KCNS1: variants seen among roughly 807,000 people sequenced by gnomAD.
KCNS1 encodes the protein delayed-rectifier potassium channel regulatory subunit KCNS1.
A neutral mutation model predicts 33.1 loss-of-function variants in KCNS1; 26 were observed. The observed-to-expected ratio is 0.79, with a 90% CI of 0.58 to 1.09. The LOEUF (loss-of-function observed/expected upper bound fraction) is 1.09. Among genes scored for constraint, KCNS1 ranks in the 50% least tolerant of loss-of-function variants. The pLI is 0.00. For missense variants in KCNS1, 702 were observed against 752.4 expected (o/e 0.93, Z 0.78); for synonymous variants, 299 against 338.8 (o/e 0.88, Z 1.29).
Position 45,098,691 on chromosome 20 carries a change from C to A in KCNS1, c.81G>T (p.Arg27Ser). ...KVVLPTPLGG[R>S]STETFVSEFP... Reference sequence around the variant, plus strand: ...ACTCGCTCACAAAGGTTTCAGTGCTCCTCCCTGCGGACACCAGAAGGGCGC... The same window carrying A: ...ACTCGCTCACAAAGGTTTCAGTGCTACTCCCTGCGGACACCAGAAGGGCGC... The change falls in exon 3 of 4, where the codon AGG (arginine) becomes AGT (serine). Residue 27 changes from arginine to serine, a missense_variant. Coordinates refer to ENST00000537075, the MANE Select transcript of KCNS1 (RefSeq NM_001322799.2). The surrounding 1 kb of genome is among the most constrained non-coding windows in gnomAD (Gnocchi z 5.2). 1.4e-6 allele frequency: 2 copies of A among 1,423,014 alleles called. No individual in the cohort carries two copies. Among genetic ancestry groups the A allele is most frequent in the Non-Finnish European group, 1.8e-6 (2 of 1,091,544 alleles). The allele number at this position is 1,423,014 out of a possible 1,614,324, so 88.1% of individuals were successfully genotyped here. A position where few individuals can be genotyped will look rare whatever the true frequency, so the allele number is the denominator to read the frequency against.
chr20:45,098,043 G>C lies in KCNS1; in HGVS notation c.729C>G (p.Pro243=). ...SIAAMCIHSL[P]EYQAREAAAA... is the part of the protein sequence containing the mutation. Reference sequence around the variant, plus strand: ...CCGCCGCCTCGCGGGCCTGGTACTCGGGCAGGCTGTGGATGCACATGGCGG... The same window carrying C: ...CCGCCGCCTCGCGGGCCTGGTACTCCGGCAGGCTGTGGATGCACATGGCGG... Residue 243 remains proline (P), a synonymous_variant, in exon 3 of 4, where the codon CCC becomes CCG. Coordinates refer to ENST00000537075, the MANE Select transcript of KCNS1 (RefSeq NM_001322799.2). This position sits in a 1 kb window ranked among gnomAD's most constrained non-coding sequence, Gnocchi z 5.2. 1 of 1,531,956 alleles carries C rather than the reference G, an allele frequency of 6.5e-7. No homozygotes were observed. Among genetic ancestry groups the C allele is most frequent in the South Asian group, 1.2e-5 (1 of 82,270 alleles). 94.9% of individuals were successfully genotyped at this position (1,531,956 alleles called of 1,614,324 possible).
rs577538394 is a variant in KCNS1 at position 45,094,969 on chromosome 20, C to T, written c.1482G>A (p.Glu494=). Residue 494 remains glutamate (E), a synonymous_variant, in exon 4 of 4, where the codon GAG becomes GAA. Coordinates refer to ENST00000537075, the MANE Select transcript of KCNS1 (RefSeq NM_001322799.2). ...TTTCTCGGGATGTCTCCAGAGATGC[C>T]TCCGACACCCCATCAATGCTGCTCA... The part of the protein sequence containing the change: ...DLLSSIDGVS[E]ASLETSRETS... 1.1e-4 allele frequency: 177 copies of T among 1,613,894 alleles called. No homozygotes were observed. In the South Asian group the frequency reaches 1.7e-3, roughly 16 times the overall value.
chr20:45,092,134 A>G lies in KCNS1; in HGVS notation c.*2736T>C, dbSNP rs545882408. ...ACCCTTTTTGACCAAGTTTGTTCCA[A>G]CTGAATTCCTGTCACTTGCAACCTG... On this transcript the variant is annotated 3_prime_UTR_variant, in exon 4 of 4. Transcript: ENST00000537075. Among the ~76,000 whole-genome samples, 8 of 152,230 alleles carry G rather than the reference A, an allele frequency of 5.3e-5. No individual in the cohort carries two copies. Among genetic ancestry groups the G allele is most frequent in the South Asian group, 2.1e-4 (1 of 4,826 alleles).
At chr20:45,096,094 C>G (rs949012225) in intron 3 of KCNS1, among the ~76,000 whole-genome samples, 2 of 152,224 alleles carry the variant, frequency 1.3e-5, no homozygotes, top group Non-Finnish European at 2.9e-5. Flanking sequence ...AACCCCTAGT[C>G]TAAAGCAGAG....
At position 45,091,739 on chromosome 20, in the gene KCNS1, CTT is replaced by C. The variant is rs1468355223; in HGVS notation, c.*3129_*3130del. On this transcript the variant is annotated 3_prime_UTR_variant, in exon 4 of 4. Coordinates refer to ENST00000537075, the MANE Select transcript of KCNS1 (RefSeq NM_001322799.2). Reference sequence around the variant, plus strand: ...CTTGTAAGACAGAGGCACTGGAAGACTTGACATACACAGACACTGAAGTGAGA... The same window carrying C: ...CTTGTAAGACAGAGGCACTGGAAGACGACATACACAGACACTGAAGTGAGA... Among the ~76,000 whole-genome samples the C allele has an allele frequency of 6.6e-6, 1 of 152,208 alleles. No individual in the cohort carries two copies. The highest frequency in any genetic ancestry group is 1.5e-5 in the Non-Finnish European group (1 of 68,040).
intron 3 of KCNS1, among the ~76,000 whole-genome samples, chr20:45,097,022 A>G (rs1199076084): frequency 1.3e-5 from 2 of 152,210 alleles, no homozygotes; most frequent in Non-Finnish European, 2.9e-5. Flanking sequence ...TTCACCCACA[A>G]TGCAGCACCT....
At position 45,098,070 on chromosome 20, in the gene KCNS1, G is replaced by T. The variant is rs1981255113; in HGVS notation, c.702C>A (p.Ile234=). The T allele has an allele frequency of 1.3e-6, 2 of 1,553,786 alleles. No individual in the cohort carries two copies. ...GCAGGCTGTGGATGCACATGGCGGC[G>T]ATGGAGGCGAGCACCACGCTGATGG... ...CVSISVVLAS[I]AAMCIHSLPE... is the part of the protein sequence containing the mutation. Residue 234 remains isoleucine (I), a synonymous_variant, in exon 3 of 4, where the codon ATC becomes ATA. Coordinates refer to ENST00000537075, the MANE Select transcript of KCNS1 (RefSeq NM_001322799.2). The surrounding 1 kb of genome is among the most constrained non-coding windows in gnomAD (Gnocchi z 5.2).
rs972885994 is a variant in KCNS1 at position 45,093,530 on chromosome 20, G to A, written c.*1340C>T. The A allele has an allele frequency of 6.6e-6, 1 of 152,244 alleles. No homozygotes were observed. Among genetic ancestry groups the A allele is most frequent in the East Asian group, 1.9e-4 (1 of 5,196 alleles). The allele number at this position is 152,244 out of a possible 1,614,324, so 9.4% of individuals were successfully genotyped here. On this transcript the variant is annotated 3_prime_UTR_variant, in exon 4 of 4. Transcript: ENST00000537075. ...AATGTCTTCCATCTTGAGGCTCAGG[G>A]TGATGGGACAGAGATAGCCACAGTC...
chr20:45,099,938 A>G (rs1981339188), intron 1 of KCNS1, among the ~76,000 whole-genome samples: 1 of 152,254 alleles, frequency 6.6e-6, no homozygotes, highest in Non-Finnish European at 1.5e-5. Context: ...GCTTGGCATT[A>G]AATGGATTTG....
Position 45,094,791 on chromosome 20 carries a change from G to T in KCNS1, c.*79C>A. 1 of 1,137,586 alleles carries T rather than the reference G, an allele frequency of 8.8e-7. No individual in the cohort carries two copies. The highest frequency in any genetic ancestry group is 1.3e-6 in the Non-Finnish European group (1 of 783,362). 70.5% of individuals were successfully genotyped at this position (1,137,586 alleles called of 1,614,324 possible). A position where few individuals can be genotyped will look rare whatever the true frequency, so the allele number is the denominator to read the frequency against. On this transcript the variant is annotated 3_prime_UTR_variant, in exon 4 of 4. Coordinates refer to ENST00000537075, the MANE Select transcript of KCNS1 (RefSeq NM_001322799.2). ...CAGGACAGCATGAGTGATCCTGGGA[G>T]GCTCACTACCATGAAGAACTTTAGC...
At chr20:45,100,783 A>C (rs753263599) in intron 1 of KCNS1, 138 bp downstream of exon 1, 2 of 153,560 alleles carry the variant, frequency 1.3e-5, no homozygotes, top group African/African-American at 2.4e-5. Flanking sequence ...GCCACCCCAC[A>C]CTGCTTCCTC....
rs1025537840 is a variant in KCNS1, at chr20:45,092,082, T to C, written c.*2788A>G. On this transcript the variant is annotated 3_prime_UTR_variant, in exon 4 of 4. Coordinates refer to ENST00000537075, the MANE Select transcript of KCNS1 (RefSeq NM_001322799.2). ...CTCAAACTCTAATTGTTAACAGTCA[T>C]TCATCACTTTAATTATTTTATAAAT... is the stretch of plus-strand genomic sequence containing the variant. 2.0e-5 allele frequency among the ~76,000 whole-genome samples: 3 copies of C among 152,210 alleles called. No homozygotes were observed. Among genetic ancestry groups the C allele is most frequent in the Admixed American group, 1.3e-4 (2 of 15,282 alleles).
chr20:45,099,240 C>T lies in KCNS1; in HGVS notation c.-3-1G>A. The T allele has an allele frequency of 6.9e-7, 1 of 1,450,356 alleles. No individual in the cohort carries two copies. Among genetic ancestry groups the T allele is most frequent in the Non-Finnish European group, 9.5e-7 (1 of 1,054,676 alleles). The allele number at this position is 1,450,356 out of a possible 1,614,324, so 89.8% of individuals were successfully genotyped here. A position where few individuals can be genotyped will look rare whatever the true frequency, so the allele number is the denominator to read the frequency against. ...CCCGGACCAGCAGCATCAGCATCAC[C>T]TGGGAATTTGTCAAAGATGCAAATT... On this transcript the variant is annotated splice_acceptor_variant, in intron 1 of 3. Coordinates refer to ENST00000537075, the MANE Select transcript of KCNS1 (RefSeq NM_001322799.2). LOFTEE classifies it low-confidence loss of function (5UTR_SPLICE).
rs766016752 is a variant in KCNS1 at position 45,098,365 on chromosome 20, T to C, written c.407A>G (p.Gln136Arg). The change falls in exon 3 of 4, where the codon CAG becomes CGG. Residue 136 changes from glutamine (Q) to arginine (R), a missense_variant. Physicochemically the swap from Gln to Arg is conservative, Grantham distance 43. Around this residue, in one of 3 missense-constraint regions of KCNS1, gnomAD observed 374 missense variants for 352.3 expected, o/e 1.06. Coordinates refer to ENST00000537075, the MANE Select transcript of KCNS1 (RefSeq NM_001322799.2). The surrounding 1 kb of genome is among the most constrained non-coding windows in gnomAD (Gnocchi z 5.2). ...LDELCVFAFG[Q>R]EADYWGLGEN... Reference sequence around the variant, plus strand: ...GCCTAGGCCCCAGTAGTCGGCCTCCTGGCCAAAGGCGAAGACGCACAGCTC... The same window carrying C: ...GCCTAGGCCCCAGTAGTCGGCCTCCCGGCCAAAGGCGAAGACGCACAGCTC... The C allele has an allele frequency of 5.1e-6, 8 of 1,579,640 alleles. No individual in the cohort carries two copies. The highest frequency in any genetic ancestry group is 6.9e-6 in the Non-Finnish European group (8 of 1,163,132).
chr20:45,099,107 C>T (rs892717302), intron 2 of KCNS1, 54 bp downstream of exon 2: 5 of 1,544,016 alleles, frequency 3.2e-6, no homozygotes, highest in Non-Finnish European at 3.5e-6. Context: ...GGATCTTGGG[C>T]CCGCCAGCCC....
rs1181987753 is a variant in KCNS1, at chr20:45,097,669, G to A, written c.1103C>T (p.Thr368Met). ...HSTGLRSLGATLKHSYREVGI... is the reference protein window; with the variant it reads ...HSTGLRSLGAMLKHSYREVGI... The stretch of plus-strand genomic sequence containing the variant: ...TGGCCTCAGAGGCCGTACCTTGAGC[G>A]TGGCTCCCAGCGAGCGCAGCCCGGT... The change falls in exon 3 of 4, where the codon ACG becomes ATG. Residue 368 changes from threonine (T) to methionine (M), a missense_variant. Thr to Met is a moderately conservative substitution (Grantham distance 81, BLOSUM62 -1). This residue lies in a region of KCNS1 where 253 missense variants were observed against 327.4 expected (regional missense o/e 0.77). Coordinates refer to ENST00000537075, the MANE Select transcript of KCNS1 (RefSeq NM_001322799.2). 8.1e-6 allele frequency: 13 copies of A among 1,603,702 alleles called. No individual in the cohort carries two copies. Among genetic ancestry groups the A allele is most frequent in the South Asian group, 1.1e-5 (1 of 90,684 alleles).
rs1981301231 is a variant in KCNS1, at chr20:45,098,708, GA to G, written c.77-14del. On this transcript the variant is annotated splice_polypyrimidine_tract_variant and intron_variant, in intron 2 of 3. Transcript: ENST00000537075. This position sits in a 1 kb window ranked among gnomAD's most constrained non-coding sequence, Gnocchi z 5.2. Reference sequence around the variant, plus strand: ...TCAGTGCTCCTCCCTGCGGACACCAGAAGGGCGCGCTGAGGAGTTCCCGGGC... The same window carrying G: ...TCAGTGCTCCTCCCTGCGGACACCAGAGGGCGCGCTGAGGAGTTCCCGGGC... The G allele has an allele frequency of 7.2e-7, 1 of 1,388,514 alleles. No homozygotes were observed. The highest frequency in any genetic ancestry group is 9.3e-7 in the Non-Finnish European group (1 of 1,071,462). 86.0% of individuals were successfully genotyped at this position (1,388,514 alleles called of 1,614,324 possible). A position where few individuals can be genotyped will look rare whatever the true frequency, so the allele number is the denominator to read the frequency against.
intron 3 of KCNS1, among the ~76,000 whole-genome samples, chr20:45,097,429 C>T (rs1981218070): frequency 6.6e-6 from 1 of 152,244 alleles, no homozygotes; most frequent in Admixed American, 6.5e-5. Context: ...AGCTATGCCC[C>T]AGTTTTCTCC....
In KCNS1 at chr20:45,099,047, C is replaced by T; in HGVS notation, c.76+114G>A. 6 of 1,215,256 alleles carry T rather than the reference C, an allele frequency of 4.9e-6. No individual in the cohort carries two copies. In the South Asian group the frequency reaches 8.9e-5, roughly 18 times the overall value. 75.3% of individuals were successfully genotyped at this position (1,215,256 alleles called of 1,614,324 possible). A position where few individuals can be genotyped will look rare whatever the true frequency, so the allele number is the denominator to read the frequency against. The stretch of plus-strand genomic sequence containing the variant: ...CCTAGTGGGTGCTCACATAGGATGT[C>T]TCCTTTTCCAGGACAAACTTGGATT... On this transcript the variant is annotated intron_variant, in intron 2 of 3. Transcript: ENST00000537075.
Sources: allele counts gnomAD v4.1 joint callset (sites outside exome capture counted in the v4.1 genomes callset), GRCh38; gene constraint gnomAD v4.1.1; regional missense constraint gnomAD v4.1.1; non-coding constraint Gnocchi (gnomAD v3.1); transcripts MANE v1.5; gene names NCBI Gene and HGNC (gene_info 2026-07-23, HGNC 2026-07-21).